The following PHKB variants were observed in gnomAD, a reference collection of about 807,000 sequenced individuals.
PHKB encodes phosphorylase kinase regulatory subunit beta.
A neutral mutation model predicts 152.1 loss-of-function variants in PHKB; 122 were observed. The ratio of observed to expected loss-of-function variants is 0.80; its 90% CI spans 0.69 to 0.93. The LOEUF (loss-of-function observed/expected upper bound fraction) is 0.93. PHKB is among the 40% of genes least tolerant of loss of function. PHKB has a pLI of 0.00. For missense variants in PHKB, 1,304 were observed against 1,328.4 expected, an observed-to-expected ratio of 0.98 and a Z score of 0.29; for synonymous variants, 436 against 464.9, an observed-to-expected ratio of 0.94 and a Z score of 0.80.
At chr16:47,601,822 A>G (rs1972232616) in intron 13 of PHKB, among the ~76,000 whole-genome samples, 1 of 152,164 alleles carries the variant, frequency 6.6e-6, no homozygotes, top group African/African-American at 2.4e-5. Context: ...GTACTACTAC[A>G]TTATCCCAGC....
chr16:47,558,838 C>G (rs1047178632), intron 7 of PHKB, among the ~76,000 whole-genome samples: 2 of 152,252 alleles, frequency 1.3e-5, no homozygotes, highest in African/African-American at 4.8e-5. Context: ...GCATGAGCCA[C>G]TGTGCCCAGC....
At chr16:47,566,615 T>C (rs1358293357) in intron 7 of PHKB, 19 of 1,318,008 alleles carry the variant, frequency 1.4e-5, no homozygotes, top group Non-Finnish European at 2.0e-5. Flanking sequence ...CAATGTAGGG[T>C]GACAATTTGG....
chr16:47,599,632 AAAG>A (rs959059160), intron 13 of PHKB, among the ~76,000 whole-genome samples: 10 of 152,180 alleles, frequency 6.6e-5, no homozygotes, highest in African/African-American at 1.7e-4. Context: ...TCATGACCAA[AAAG>A]AAGAAGAAAT....
intron 6 of PHKB, among the ~76,000 whole-genome samples, chr16:47,539,082 A>G (rs1199511497): frequency 6.6e-6 from 1 of 152,192 alleles, no homozygotes; most frequent in Non-Finnish European, 1.5e-5. Context: ...TGTCCTTATT[A>G]AAATAAAGGA....
chr16:47,648,481 A>G, intron 16 of PHKB, 52 bp from the exon 17 acceptor site: 1 of 1,216,264 alleles, frequency 8.2e-7, no homozygotes, highest in Non-Finnish European at 1.2e-6. Flanking sequence ...CAGGGGTGAG[A>G]AAGTGACATG....
At chr16:47,552,218 AGGTTAATATT>A (rs1323206987) in intron 7 of PHKB, among the ~76,000 whole-genome samples, 2 of 152,126 alleles carry the variant, frequency 1.3e-5, no homozygotes, top group African/African-American at 4.8e-5. Context: ...TTTACATTTA[AGGTTAATATT>A]GGTATTTCAG....
rs553087136 is a variant in PHKB at position 47,631,705 on chromosome 16, G to A, written c.1459-9330G>A. On this transcript the variant is annotated intron_variant, in intron 14 of 30. Transcript: ENST00000323584. ...CATTTGTTCTCATTGTTCAACTCCC[G>A]CTTATGAATGAAAACATGCAGTGTT... Among the ~76,000 whole-genome samples the A allele has an allele frequency of 1.1e-4, 17 of 152,092 alleles. No homozygotes were observed. The South Asian group carries it at 1.5e-3, about 13-fold the overall frequency.
intron 1 of PHKB, among the ~76,000 whole-genome samples, chr16:47,464,513 G>A (rs1452309289): frequency 6.6e-6 from 1 of 152,184 alleles, no homozygotes; most frequent in Non-Finnish European, 1.5e-5. Context: ...TGGAACAGAT[G>A]TTGGCACAAT....
At chr16:47,535,632 T>C (rs1015051441) in intron 6 of PHKB, among the ~76,000 whole-genome samples, 5 of 152,238 alleles carry the variant, frequency 3.3e-5, no homozygotes, top group Non-Finnish European at 5.9e-5. Flanking sequence ...AGTCCCGCTC[T>C]ATCTCTAACT....
At chr16:47,680,708 T>C (rs1394457045) in intron 26 of PHKB, among the ~76,000 whole-genome samples, 1 of 152,224 alleles carries the variant, frequency 6.6e-6, no homozygotes, top group Non-Finnish European at 1.5e-5. Flanking sequence ...GTTGATCTTT[T>C]CAAAAAACCA....
chr16:47,664,691 A>G, intron 24 of PHKB, 194 bp from the exon 25 acceptor site: 2 of 589,982 alleles, frequency 3.4e-6, no homozygotes, highest in South Asian at 2.0e-5. Flanking sequence ...CTTAGCCAGT[A>G]AGTTTCAAGT....
At chr16:47,538,260 A>G (rs1970988690) in intron 6 of PHKB, among the ~76,000 whole-genome samples, 1 of 152,220 alleles carries the variant, frequency 6.6e-6, no homozygotes, top group South Asian at 2.1e-4. Flanking sequence ...TAAAATCTAA[A>G]TAACTTTGAA....
chr16:47,565,723 C>T (rs1971554228), intron 7 of PHKB: 1 of 1,480,664 alleles, frequency 6.8e-7, no homozygotes, highest in East Asian at 2.3e-5. Context: ...GGCCATCGTT[C>T]TAGTTTTGGC....
At chr16:47,680,553 C>T (rs181713850) in intron 26 of PHKB, among the ~76,000 whole-genome samples, 13 of 152,152 alleles carry the variant, frequency 8.5e-5, no homozygotes, top group East Asian at 5.8e-4. Flanking sequence ...AGTTTATTTG[C>T]GTAGAGGTGT....
chr16:47,690,667 A>C (rs1267723288), intron 27 of PHKB, among the ~76,000 whole-genome samples: 1 of 152,172 alleles, frequency 6.6e-6, no homozygotes, highest in African/African-American at 2.4e-5. Flanking sequence ...ATAAGTGTAG[A>C]TAGGATGACA....
chr16:47,536,017 A>G (rs1354607920), intron 6 of PHKB, among the ~76,000 whole-genome samples: 1 of 152,228 alleles, frequency 6.6e-6, no homozygotes, highest in African/African-American at 2.4e-5. Flanking sequence ...TGAAAATAAT[A>G]CACAGAATAC....
intron 14 of PHKB, among the ~76,000 whole-genome samples, chr16:47,637,237 C>T (rs750499427): frequency 4.6e-5 from 7 of 152,194 alleles, no homozygotes; most frequent in Admixed American, 1.3e-4. Flanking sequence ...AGCTCCTCTC[C>T]GCCTTGCTCA....
intron 1 of PHKB, among the ~76,000 whole-genome samples, chr16:47,490,140 A>G (rs1314731779): frequency 6.6e-6 from 1 of 152,198 alleles, no homozygotes; most frequent in Admixed American, 6.5e-5. Flanking sequence ...ATTTCTTGAT[A>G]TTCATGAACA....
intron 25 of PHKB, chr16:47,666,037 G>A: frequency 6.3e-7 from 1 of 1,597,998 alleles, no homozygotes; most frequent in Non-Finnish European, 8.6e-7. Flanking sequence ...AAACAGGTAA[G>A]TATTTGCTTT....
Sources: gnomAD v4.1 joint callset for allele counts (sites outside exome capture counted in the v4.1 genomes callset) on GRCh38, gnomAD v4.1.1 for gene constraint, MANE v1.5 for transcripts, NCBI Gene and HGNC (gene_info 2026-07-23, HGNC 2026-07-21) for gene names.